The following EXOC2 variants were observed in gnomAD, a reference collection of about 807,000 sequenced individuals.
The protein encoded by EXOC2 is exocyst complex component 2.
A neutral mutation model predicts 131.8 loss-of-function variants in EXOC2; 70 were observed. That is an observed-to-expected ratio of 0.53 (90% confidence interval 0.44 to 0.65). EXOC2 has a LOEUF of 0.65. EXOC2 is among the 30% of genes least tolerant of loss of function. EXOC2 has a pLI of 0.00. For missense variants in EXOC2, 923 were observed against 1,108.6 expected, an observed-to-expected ratio of 0.83 and a Z score of 2.38; for synonymous variants, 411 against 398.4, an observed-to-expected ratio of 1.03 and a Z score of -0.38.
intron 21 of EXOC2, 35 bp downstream of exon 21, chr6:553,819 A>T (rs913682278): frequency 7.0e-6 from 11 of 1,572,376 alleles, no homozygotes; most frequent in Non-Finnish European, 9.6e-6. Context: ...ACACAGTTTT[A>T]AAATGGTTTA....
intron 23 of EXOC2, among the ~76,000 whole-genome samples, chr6:515,023 C>CCATA (rs1171066052): frequency 6.6e-6 from 1 of 152,144 alleles, no homozygotes; most frequent in African/African-American, 2.4e-5. Context: ...TCAGTTCTAG[C>CCATA]CATAATAAAG....
intron 23 of EXOC2, among the ~76,000 whole-genome samples, chr6:523,831 T>C (rs1017901473): frequency 4.6e-5 from 7 of 152,212 alleles, no homozygotes; most frequent in Non-Finnish European, 8.8e-5. Flanking sequence ...AAAATGCAGC[T>C]TTCTAAATTC....
chr6:536,487 T>C (rs1251079912), intron 22 of EXOC2, among the ~76,000 whole-genome samples: 11 of 152,170 alleles, frequency 7.2e-5, no homozygotes, highest in Admixed American at 7.2e-4. Context: ...ATCATCAATA[T>C]TGGTAATTTT....
At chr6:557,640 A>T (rs964947775) in intron 17 of EXOC2, among the ~76,000 whole-genome samples, 1 of 151,430 alleles carries the variant, frequency 6.6e-6, no homozygotes, top group Non-Finnish European at 1.5e-5. Flanking sequence ...AAAAAAGAAA[A>T]GAAGAAGAAC....
At position 572,659 on chromosome 6, in the gene EXOC2, A is replaced by C. The variant is rs1371375754; in HGVS notation, c.1319-15T>G. On this transcript the variant is annotated splice_polypyrimidine_tract_variant and intron_variant, in intron 12 of 27. Coordinates refer to ENST00000230449, the MANE Select transcript of EXOC2 (RefSeq NM_018303.6). ...GTATCTCCACGCTAAGGGGGAAAAG[A>C]ATAAAATACTATGATTGTACTTCTG... 6.2e-7 allele frequency: 1 copy of C among 1,609,562 alleles called. No individual in the cohort carries two copies. Among genetic ancestry groups the C allele is most frequent in the Non-Finnish European group, 8.5e-7 (1 of 1,178,662 alleles).
At position 497,633 on chromosome 6, in the gene EXOC2, G is replaced by C. The variant is rs566611987; in HGVS notation, c.2437-144C>G. On this transcript the variant is annotated intron_variant, in intron 24 of 27. Coordinates refer to ENST00000230449, the MANE Select transcript of EXOC2 (RefSeq NM_018303.6). ...TAAAAGGCCAAAATTATAAATGAAAGGAAGATACAGACTTATATTTAAATT... is the reference window on the plus strand; with the variant it reads ...TAAAAGGCCAAAATTATAAATGAAACGAAGATACAGACTTATATTTAAATT... 9 of 1,069,616 alleles carry C rather than the reference G, an allele frequency of 8.4e-6. No homozygotes were observed. The East Asian group carries it at 2.4e-4, about 28-fold the overall frequency. The allele number at this position is 1,069,616 out of a possible 1,614,324, so 66.3% of individuals were successfully genotyped here. A position where few individuals can be genotyped will look rare whatever the true frequency, so the allele number is the denominator to read the frequency against.
At chr6:487,799 G>C (rs1443919510) in intron 27 of EXOC2, among the ~76,000 whole-genome samples, 1 of 152,110 alleles carries the variant, frequency 6.6e-6, no homozygotes, top group Non-Finnish European at 1.5e-5. Context: ...CTGAGGTCAA[G>C]AGATTATTTC....
chr6:656,464 G>C (rs201176240), intron 1 of EXOC2: 13 of 1,612,334 alleles, frequency 8.1e-6, no homozygotes, highest in African/African-American at 1.3e-5. Flanking sequence ...GTCCTCCAGC[G>C]CGGCAGGCGG....
chr6:510,346 G>A (rs13193135), intron 23 of EXOC2, among the ~76,000 whole-genome samples: 6,938 of 152,006 alleles, frequency 0.046, 237 homozygotes, highest in Non-Finnish European at 0.071. Context: ...GGGTACCTTC[G>A]CCCTCTCCTG....
At position 634,720 on chromosome 6, in the gene EXOC2, C is replaced by T. The variant is rs1161779201; in HGVS notation, c.119-1603G>A. Among the ~76,000 whole-genome samples the T allele has an allele frequency of 8.5e-5, 13 of 152,174 alleles. No individual in the cohort carries two copies. The East Asian group carries it at 1.9e-3, about 23-fold the overall frequency. Reference sequence around the variant, plus strand: ...TAATAATGGCATTAAAAGGTTTCCTCAGGACTATGGTTTCTACTGGTATAT... The same window carrying T: ...TAATAATGGCATTAAAAGGTTTCCTTAGGACTATGGTTTCTACTGGTATAT... On this transcript the variant is annotated intron_variant, in intron 2 of 27. Transcript: ENST00000230449.
chr6:489,696 T>C (rs561801589), intron 26 of EXOC2, among the ~76,000 whole-genome samples: 100 of 152,358 alleles, frequency 6.6e-4, no homozygotes, highest in African/African-American at 2.1e-3. Context: ...GGTAATTAAC[T>C]TGTACCATTC....
chr6:503,553 C>T (rs937067247), intron 23 of EXOC2, among the ~76,000 whole-genome samples: 3 of 152,150 alleles, frequency 2.0e-5, no homozygotes, highest in African/African-American at 7.2e-5. Context: ...CTTGTAACTG[C>T]TAAGTGTATA....
chr6:534,045 A>G (rs561899968), intron 22 of EXOC2, among the ~76,000 whole-genome samples: 1 of 152,336 alleles, frequency 6.6e-6, no homozygotes, highest in South Asian at 2.1e-4. Context: ...GGTGAAACAT[A>G]CAACTTCCAA....
chr6:604,822 C>T (rs1206179683), intron 7 of EXOC2, among the ~76,000 whole-genome samples: 3 of 151,492 alleles, frequency 2.0e-5, no homozygotes, highest in Non-Finnish European at 4.4e-5. Context: ...CCTCCCTCCA[C>T]TCAGCCGCCC....
intron 10 of EXOC2, among the ~76,000 whole-genome samples, chr6:597,716 A>G (rs1759896371): frequency 6.6e-6 from 1 of 152,182 alleles, no homozygotes; most frequent in African/African-American, 2.4e-5. Context: ...GGGTACCCAC[A>G]CCATCCCACT....
In EXOC2 at chr6:532,443, A is replaced by G. The variant is rs145082033; in HGVS notation, c.2380+26T>C. The stretch of plus-strand genomic sequence containing the variant: ...AATTGATAAAAGTATATCCACATCT[A>G]TTACTCAAGAAACTTTATTACTTAC... On this transcript the variant is annotated intron_variant, in intron 23 of 27. Coordinates refer to ENST00000230449, the MANE Select transcript of EXOC2 (RefSeq NM_018303.6). The G allele has an allele frequency of 2.7e-5, 41 of 1,526,892 alleles. No individual in the cohort carries two copies. In the Middle Eastern group the frequency reaches 7.0e-4, roughly 26 times the overall value. The allele number at this position is 1,526,892 out of a possible 1,614,324, so 94.6% of individuals were successfully genotyped here.
intron 22 of EXOC2, among the ~76,000 whole-genome samples, chr6:545,644 C>T (rs1377216430): frequency 1.3e-5 from 2 of 152,114 alleles, no homozygotes; most frequent in African/African-American, 4.8e-5. Context: ...AAAAAGATGA[C>T]AGAAATGTGA....
Position 533,363 on chromosome 6 carries a change from G to T in EXOC2, c.2239-753C>A, listed in dbSNP as rs532122390. Among the ~76,000 whole-genome samples the T allele has an allele frequency of 7.9e-5, 12 of 152,250 alleles. No homozygotes were observed. The South Asian group carries it at 2.5e-3, about 32-fold the overall frequency. On this transcript the variant is annotated intron_variant, in intron 22 of 27. Coordinates refer to ENST00000230449, the MANE Select transcript of EXOC2 (RefSeq NM_018303.6). ...TTTCTTCATATTAACTAATTCATTTGAAAAGTGTGACCAATAGAAAATAAG... is the reference window on the plus strand; with the variant it reads ...TTTCTTCATATTAACTAATTCATTTTAAAAGTGTGACCAATAGAAAATAAG...
At chr6:550,536 C>G (rs979854715) in intron 21 of EXOC2, among the ~76,000 whole-genome samples, 1 of 152,136 alleles carries the variant, frequency 6.6e-6, no homozygotes, top group Non-Finnish European at 1.5e-5. Flanking sequence ...AAGCGAACGG[C>G]CTTGAGTTAC....
Sources: gnomAD v4.1 joint callset for allele counts (sites outside exome capture counted in the v4.1 genomes callset) on GRCh38, gnomAD v4.1.1 for gene constraint, MANE v1.5 for transcripts, NCBI Gene and HGNC (gene_info 2026-07-23, HGNC 2026-07-21) for gene names.